The following APCDD1L variants were observed in gnomAD, a reference collection of about 807,000 sequenced individuals.
APCDD1L encodes the protein APC down-regulated 1 like.
A neutral mutation model predicts 24.2 loss-of-function variants in APCDD1L; 21 were observed. That is an observed-to-expected ratio of 0.87 (90% CI 0.61 to 1.25). The LOEUF (loss-of-function observed/expected upper bound fraction) is 1.25, where lower values mean the gene tolerates loss of function less well. APCDD1L is among the 50% of genes most tolerant of loss of function. The pLI, the probability that APCDD1L is intolerant of heterozygous loss-of-function variation, is 0.00. For missense variants in APCDD1L, 704 were observed against 711.7 expected (o/e 0.99, Z 0.12); for synonymous variants, 321 against 323.6 (o/e 0.99, Z 0.09).
intron 1 of APCDD1L, among the ~76,000 whole-genome samples, chr20:58,484,460 A>G (rs1328991398): frequency 6.6e-6 from 1 of 152,214 alleles, no homozygotes; most frequent in African/African-American, 2.4e-5. Flanking sequence ...GAATGAATAA[A>G]TAAATCTTTC....
At chr20:58,468,207 G>A (rs1989753172) in intron 2 of APCDD1L, among the ~76,000 whole-genome samples, 1 of 152,182 alleles carries the variant, frequency 6.6e-6, no homozygotes, top group Non-Finnish European at 1.5e-5. Context: ...TGGGCTGGGT[G>A]GTTTCTGCTG....
At chr20:58,499,242 T>C (rs1036866599) in intron 1 of APCDD1L, among the ~76,000 whole-genome samples, 5 of 152,146 alleles carry the variant, frequency 3.3e-5, no homozygotes, top group African/African-American at 4.8e-5. Flanking sequence ...GTCCTCCTGG[T>C]GGCCACACTA....
Position 58,467,726 on chromosome 20 carries a change from G to A in APCDD1L, c.189-68C>T. The stretch of plus-strand genomic sequence containing the variant: ...CGCGCCGCGAGCCCCTCTCCCCTCT[G>A]GGCTGGGCTCCTTTCTCCCCCCCAG... On this transcript the variant is annotated intron_variant, in intron 2 of 3. Transcript: ENST00000371149. This position sits in a 1 kb window ranked among gnomAD's most constrained non-coding sequence, Gnocchi z 5.9. 1.5e-6 allele frequency: 2 copies of A among 1,366,044 alleles called. No homozygotes were observed. The highest frequency in any genetic ancestry group is 1.9e-6 in the Non-Finnish European group (2 of 1,053,246). The allele number at this position is 1,366,044 out of a possible 1,614,324, so 84.6% of individuals were successfully genotyped here.
chr20:58,477,016 T>TG (rs1989923136), intron 1 of APCDD1L, among the ~76,000 whole-genome samples: 2 of 152,272 alleles, frequency 1.3e-5, no homozygotes, highest in Non-Finnish European at 1.5e-5. Flanking sequence ...ATTTATTATC[T>TG]GCTTTCTTAC....
At chr20:58,512,157 G>A (rs77092482) in intron 1 of APCDD1L, among the ~76,000 whole-genome samples, 7,589 of 152,320 alleles carry the variant, frequency 0.05, 272 homozygotes, top group Middle Eastern at 0.068. Flanking sequence ...ATACAAGAGG[G>A]AGGGAGAGCA....
At chr20:58,476,908 G>C (rs150667393) in intron 1 of APCDD1L, among the ~76,000 whole-genome samples, 70 of 152,212 alleles carry the variant, frequency 4.6e-4, no homozygotes, top group African/African-American at 1.5e-3. Context: ...CGGAGATCTC[G>C]GCATAAATGG....
rs1989563649 is a variant in APCDD1L, at chr20:58,459,896, T to TA, written c.*893dup. ...GGCGAATTGCAGAGCGCGTTAGTGTTACGGCTGTCATTACTATTAACTATG... is the reference window on the plus strand; with the variant it reads ...GGCGAATTGCAGAGCGCGTTAGTGTTAACGGCTGTCATTACTATTAACTATG... On this transcript the variant is annotated 3_prime_UTR_variant, in exon 4 of 4. Coordinates refer to ENST00000371149, the MANE Select transcript of APCDD1L (RefSeq NM_153360.3). The TA allele has an allele frequency of 6.5e-6, 1 of 152,800 alleles. No homozygotes were observed. Among genetic ancestry groups the TA allele is most frequent in the Middle Eastern group, 3.4e-3 (1 of 294 alleles). 9.5% of individuals were successfully genotyped at this position (152,800 alleles called of 1,614,324 possible). A position where few individuals can be genotyped will look rare whatever the true frequency, so the allele number is the denominator to read the frequency against.
Position 58,467,035 on chromosome 20 carries a change from G to A in APCDD1L, c.741+71C>T. 2.0e-6 allele frequency: 3 copies of A among 1,506,578 alleles called. No individual in the cohort carries two copies. The highest frequency in any genetic ancestry group is 2.6e-6 in the Non-Finnish European group (3 of 1,133,280). The allele number at this position is 1,506,578 out of a possible 1,614,324, so 93.3% of individuals were successfully genotyped here. On this transcript the variant is annotated intron_variant, in intron 3 of 3. Coordinates refer to ENST00000371149, the MANE Select transcript of APCDD1L (RefSeq NM_153360.3). The surrounding 1 kb of genome is among the most constrained non-coding windows in gnomAD (Gnocchi z 5.9). The stretch of plus-strand genomic sequence containing the variant: ...GCAGGCCCAGGTCTTGCAAAGCTGC[G>A]GGGCTGGGTTCCGAGCTCGCCTCCC...
At position 58,502,539 on chromosome 20, in the gene APCDD1L, T is replaced by C. The variant is rs578049474; in HGVS notation, c.49+12120A>G. 6.4e-4 allele frequency among the ~76,000 whole-genome samples: 97 copies of C among 152,320 alleles called. 1 individual carries two copies. The highest frequency in any genetic ancestry group is 2.3e-3 in the African/African-American group (96 of 41,558). On this transcript the variant is annotated intron_variant, in intron 1 of 3. Coordinates refer to ENST00000371149, the MANE Select transcript of APCDD1L (RefSeq NM_153360.3). ...GGGGTGTAGAACAGTGCCAGGCACG[T>C]AGTCAGCACCCACTGAATGCTTGTT...
intron 1 of APCDD1L, among the ~76,000 whole-genome samples, chr20:58,472,958 C>T (rs764931262): frequency 6.6e-6 from 1 of 152,230 alleles, no homozygotes; most frequent in Non-Finnish European, 1.5e-5. Context: ...CTGCAATCTG[C>T]TTCTTCAGAA....
At chr20:58,514,034 A>G in intron 1 of APCDD1L, 5 of 1,142,930 alleles carry the variant, frequency 4.4e-6, no homozygotes, top group Non-Finnish European at 5.6e-6. Context: ...AGTTTTGTCT[A>G]CCCTACTCCC....
At chr20:58,465,898 G>A (rs1455189045) in intron 3 of APCDD1L, among the ~76,000 whole-genome samples, 1 of 152,082 alleles carries the variant, frequency 6.6e-6, no homozygotes, top group Non-Finnish European at 1.5e-5. Context: ...TTGGGTAACT[G>A]TTTTAATAGA....
chr20:58,503,097 T>C (rs1990472482), intron 1 of APCDD1L, among the ~76,000 whole-genome samples: 1 of 152,128 alleles, frequency 6.6e-6, no homozygotes, highest in South Asian at 2.1e-4. Flanking sequence ...GCATTTACAG[T>C]CCCTGAAAGG....
rs1989559557 is a variant in APCDD1L at position 58,459,700 on chromosome 20, A to G, written c.*1090T>C. The G allele has an allele frequency of 6.5e-6, 1 of 152,700 alleles. No homozygotes were observed. The highest frequency in any genetic ancestry group is 2.1e-4 in the South Asian group (1 of 4,826). 9.5% of individuals were successfully genotyped at this position (152,700 alleles called of 1,614,324 possible). The stretch of plus-strand genomic sequence containing the variant: ...TCCCCTCTGAGCAGAGGACACCAAT[A>G]TATTAGGATTATGGCAAGGAGGCTG... On this transcript the variant is annotated 3_prime_UTR_variant, in exon 4 of 4. Transcript: ENST00000371149.
chr20:58,468,770 G>A (rs1446236732), intron 2 of APCDD1L, among the ~76,000 whole-genome samples: 1 of 152,114 alleles, frequency 6.6e-6, no homozygotes. Context: ...GTTTCGTCAT[G>A]TTGGCCAGGC....
At chr20:58,507,004 G>T (rs575185264) in intron 1 of APCDD1L, among the ~76,000 whole-genome samples, 4 of 152,242 alleles carry the variant, frequency 2.6e-5, no homozygotes, top group South Asian at 4.2e-4. Context: ...ATCTGATATG[G>T]TTTGGCTGTG....
At chr20:58,512,660 C>T (rs370926946) in intron 1 of APCDD1L, among the ~76,000 whole-genome samples, 2 of 152,072 alleles carry the variant, frequency 1.3e-5, no homozygotes, top group African/African-American at 2.4e-5. Flanking sequence ...TCAGGCGTGC[C>T]CAGCTCAGGC....
At chr20:58,499,220 CAG>C (rs1383712997) in intron 1 of APCDD1L, among the ~76,000 whole-genome samples, 2 of 152,154 alleles carry the variant, frequency 1.3e-5, no homozygotes, top group Non-Finnish European at 2.9e-5. Context: ...GGAAGGAAAA[CAG>C]GGGCTGTGTG....
intron 1 of APCDD1L, among the ~76,000 whole-genome samples, chr20:58,493,768 T>C (rs1990267948): frequency 6.6e-6 from 1 of 152,106 alleles, no homozygotes; most frequent in Admixed American, 6.5e-5. Flanking sequence ...ATGGGCAACG[T>C]TGTGCTTTTT....
Sources: gnomAD v4.1 joint callset for allele counts (sites outside exome capture counted in the v4.1 genomes callset) on GRCh38, gnomAD v4.1.1 for gene constraint, Gnocchi (gnomAD v3.1) non-coding constraint, MANE v1.5 for transcripts, NCBI Gene and HGNC (gene_info 2026-07-23, HGNC 2026-07-21) for gene names.